The following CLIP4 variants were observed in gnomAD, a reference collection of about 807,000 sequenced individuals.
CLIP4 encodes CAP-Gly domain-containing linker protein 4.
Under a neutral mutation model 73.1 loss-of-function variants are expected in CLIP4, and 47 were observed. That is an observed-to-expected ratio of 0.64 (90% CI 0.51 to 0.82). The LOEUF (loss-of-function observed/expected upper bound fraction) is 0.82, where lower values mean the gene tolerates loss of function less well. CLIP4 is among the 40% of genes least tolerant of loss of function. CLIP4 has a pLI of 0.00. For synonymous variants in CLIP4, 306 were observed against 295.4 expected (o/e 1.04, Z -0.37); for missense variants, 874 against 852.9 (o/e 1.02, Z -0.31).
At chr2:29,169,803 A>G (rs753501587) in intron 14 of CLIP4, among the ~76,000 whole-genome samples, 17 of 152,128 alleles carry the variant, frequency 1.1e-4, no homozygotes, top group Non-Finnish European at 2.2e-4. Flanking sequence ...TAAATATACA[A>G]TGTTGTTACC....
At chr2:29,136,439 C>G (rs1005908151) in intron 6 of CLIP4, among the ~76,000 whole-genome samples, 1 of 152,018 alleles carries the variant, frequency 6.6e-6, no homozygotes, top group Non-Finnish European at 1.5e-5. Flanking sequence ...TTCTTCTCTT[C>G]CTCCCTCCCT....
intron 2 of CLIP4, chr2:29,130,008 C>T: frequency 2.1e-6 from 1 of 471,084 alleles, no homozygotes; most frequent in South Asian, 1.5e-5. Context: ...TCATGTGTTT[C>T]ACCCTTCCCC....
intron 1 of CLIP4, among the ~76,000 whole-genome samples, chr2:29,098,521 C>T (rs925518865): frequency 6.6e-6 from 1 of 152,150 alleles, no homozygotes; most frequent in Non-Finnish European, 1.5e-5. Context: ...AAGTTTTCTC[C>T]GTTTGTTCAT....
intron 14 of CLIP4, among the ~76,000 whole-genome samples, chr2:29,174,163 G>A (rs1039008490): frequency 1.3e-5 from 2 of 151,684 alleles, no homozygotes; most frequent in African/African-American, 4.9e-5. Flanking sequence ...CTATTGCCCA[G>A]GCTGGTCTTG....
At chr2:29,172,832 C>T (rs969425065) in intron 14 of CLIP4, among the ~76,000 whole-genome samples, 5 of 152,064 alleles carry the variant, frequency 3.3e-5, no homozygotes, top group Non-Finnish European at 7.4e-5. Context: ...TATGTTTATT[C>T]TGCTGCTTAA....
upstream of CLIP4, among the ~76,000 whole-genome samples, chr2:29,113,407 T>C (rs542839862): frequency 6.6e-6 from 1 of 152,356 alleles, no homozygotes; most frequent in South Asian, 2.1e-4. This position sits in a 1 kb window ranked among gnomAD's most constrained non-coding sequence, Gnocchi z 4.0. Context: ...CCACATATCA[T>C]TGTCCAGTCT....
At chr2:29,140,970 G>A (rs1322440504) in intron 6 of CLIP4, among the ~76,000 whole-genome samples, 2 of 152,076 alleles carry the variant, frequency 1.3e-5, no homozygotes, top group Non-Finnish European at 2.9e-5. Flanking sequence ...CAGGCGTTTT[G>A]TACTTTACTC....
intron 5 of CLIP4, among the ~76,000 whole-genome samples, chr2:29,135,315 C>A (rs1423326632): frequency 1.3e-5 from 2 of 152,086 alleles, no homozygotes; most frequent in Admixed American, 1.3e-4. Flanking sequence ...GTTTGAAAAT[C>A]CAAGATAATA....
intron 9 of CLIP4, among the ~76,000 whole-genome samples, chr2:29,155,318 C>T (rs933051934): frequency 6.6e-6 from 1 of 152,010 alleles, no homozygotes. Flanking sequence ...AAGAATCAAA[C>T]GTGAACACTC....
At chr2:29,163,702 G>C in intron 12 of CLIP4, 129 bp from the exon 13 acceptor site, 2 of 791,442 alleles carry the variant, frequency 2.5e-6, no homozygotes, top group Non-Finnish European at 3.8e-6. Flanking sequence ...ATCTTAATGA[G>C]TATCATGATC....
intron 14 of CLIP4, among the ~76,000 whole-genome samples, 167 bp from the exon 15 acceptor site, chr2:29,174,205 GC>G (rs2148105218): frequency 6.6e-6 from 1 of 152,042 alleles, no homozygotes; most frequent in South Asian, 2.1e-4. Flanking sequence ...TTCCCACTAG[GC>G]CTCCCAAAGT....
At chr2:29,170,405 T>C (rs1413603806) in intron 14 of CLIP4, among the ~76,000 whole-genome samples, 1 of 152,232 alleles carries the variant, frequency 6.6e-6, no homozygotes, top group Non-Finnish European at 1.5e-5. Flanking sequence ...AACAGTGTGC[T>C]GTATCTTCTT....
At chr2:29,127,244 G>A (rs1664667006) in intron 2 of CLIP4, among the ~76,000 whole-genome samples, 1 of 152,046 alleles carries the variant, frequency 6.6e-6, no homozygotes, top group Non-Finnish European at 1.5e-5. Flanking sequence ...TAAGGAATCT[G>A]AAATTAGACT....
At chr2:29,153,611 C>T (rs1386718587) in intron 9 of CLIP4, among the ~76,000 whole-genome samples, 3 of 152,104 alleles carry the variant, frequency 2.0e-5, no homozygotes, top group Non-Finnish European at 4.4e-5. Flanking sequence ...TTTAACTGAA[C>T]CATGAGAGTA....
intron 15 of CLIP4, among the ~76,000 whole-genome samples, chr2:29,176,459 G>T (rs1668350755): frequency 6.6e-6 from 1 of 152,184 alleles, no homozygotes; most frequent in African/African-American, 2.4e-5. Flanking sequence ...GCCTTGGAGG[G>T]CACGTTTGGC....
At chr2:29,099,115 G>A (rs1667963685) in intron 1 of CLIP4, among the ~76,000 whole-genome samples, 1 of 152,178 alleles carries the variant, frequency 6.6e-6, no homozygotes, top group South Asian at 2.1e-4. Context: ...TACCAGACAT[G>A]TGTTTTGCAA....
intron 8 of CLIP4, 58 bp downstream of exon 8, chr2:29,145,425 C>G (rs1666089241): frequency 7.2e-7 from 1 of 1,393,700 alleles, no homozygotes; most frequent in Non-Finnish European, 9.9e-7. Flanking sequence ...AAGTTTTACT[C>G]TTTTACAGTT....
At chr2:29,146,355 T>G (rs949372068) in intron 8 of CLIP4, among the ~76,000 whole-genome samples, 2 of 152,126 alleles carry the variant, frequency 1.3e-5, no homozygotes, top group Non-Finnish European at 2.9e-5. Flanking sequence ...CTTGGAAAAC[T>G]GGAAAAATCA....
At chr2:29,116,008 C>T (rs1264467211) in intron 1 of CLIP4, among the ~76,000 whole-genome samples, 4 of 152,194 alleles carry the variant, frequency 2.6e-5, no homozygotes, top group Non-Finnish European at 4.4e-5. Flanking sequence ...GCGGCTGCCC[C>T]GAGAGTCCCC....
Sources: gnomAD v4.1 joint callset for allele counts (sites outside exome capture counted in the v4.1 genomes callset) on GRCh38, gnomAD v4.1.1 for gene constraint, Gnocchi (gnomAD v3.1) non-coding constraint, MANE v1.5 for transcripts, NCBI Gene and HGNC (gene_info 2026-07-23, HGNC 2026-07-21) for gene names.